Variants in PTPN5 observed in about 807,000 individuals in gnomAD.
PTPN5 encodes tyrosine-protein phosphatase non-receptor type 5.
In PTPN5, 29 loss-of-function variants were observed where a neutral mutation model predicts 73.9. That is an observed-to-expected ratio of 0.39 (90% CI 0.29 to 0.54). The LOEUF (loss-of-function observed/expected upper bound fraction) is 0.54. Among genes scored for constraint, PTPN5 ranks in the 20% least tolerant of loss-of-function variants. PTPN5 has a pLI of 0.65. For synonymous variants in PTPN5, 267 were observed against 304.7 expected, an observed-to-expected ratio of 0.88 and a Z score of 1.29; for missense variants, 652 against 751.4, an observed-to-expected ratio of 0.87 and a Z score of 1.55.
At chr11:18,740,164 T>C (rs1345701808) in intron 8 of PTPN5, among the ~76,000 whole-genome samples, 2 of 152,130 alleles carry the variant, frequency 1.3e-5, no homozygotes, top group Admixed American at 6.5e-5. Context: ...GATTAGGACC[T>C]AAGCTAGGGC....
chr11:18,766,386 G>A (rs912587267), intron 2 of PTPN5, among the ~76,000 whole-genome samples: 2 of 152,120 alleles, frequency 1.3e-5, no homozygotes, highest in South Asian at 4.2e-4. Flanking sequence ...TTGAACCATG[G>A]GTGGACAAGA....
At chr11:18,768,099 G>A (rs935173789) in intron 2 of PTPN5, among the ~76,000 whole-genome samples, 3 of 152,220 alleles carry the variant, frequency 2.0e-5, no homozygotes, top group African/African-American at 4.8e-5. Context: ...TGCCTGGTTC[G>A]TAGTAGGATG....
intron 3 of PTPN5, among the ~76,000 whole-genome samples, chr11:18,755,802 G>A (rs1050899714): frequency 1.3e-5 from 2 of 151,934 alleles, no homozygotes; most frequent in Non-Finnish European, 2.9e-5. Flanking sequence ...TCAGGAGTTC[G>A]AGACCAGCCT....
At chr11:18,732,451 TC>T in intron 12 of PTPN5, 140 bp downstream of exon 12, 1 of 680,702 alleles carries the variant, frequency 1.5e-6, no homozygotes, top group Non-Finnish European at 2.6e-6. Flanking sequence ...CTCTCACTCA[TC>T]CGTAATTATC....
intron 2 of PTPN5, among the ~76,000 whole-genome samples, chr11:18,770,031 G>A (rs1850808673): frequency 6.6e-6 from 1 of 152,092 alleles, no homozygotes; most frequent in African/African-American, 2.4e-5. Context: ...TGGCTGGGTA[G>A]GTCTGTAACA....
At position 18,743,083 on chromosome 11, in the gene PTPN5, A is replaced by C; in HGVS notation, c.400-8T>G. On this transcript the variant is annotated splice_region_variant and splice_polypyrimidine_tract_variant and intron_variant, in intron 5 of 14. Transcript: ENST00000358540. The stretch of plus-strand genomic sequence containing the variant: ...CCCAGAGTCAAGCCAGGCCTGGGGA[A>C]CATCAGATAAACAGGTCAGGGTGGT... 1 of 1,543,440 alleles carries C rather than the reference A, an allele frequency of 6.5e-7. No individual in the cohort carries two copies. Among genetic ancestry groups the C allele is most frequent in the Non-Finnish European group, 8.8e-7 (1 of 1,139,402 alleles).
chr11:18,732,803 G>A (rs1848945493), intron 11 of PTPN5, 101 bp from the exon 12 acceptor site: 8 of 951,734 alleles, frequency 8.4e-6, no homozygotes, highest in Non-Finnish European at 1.3e-5. Context: ...GGGCAACAGG[G>A]TTGCTGCTAC....
intron 3 of PTPN5, among the ~76,000 whole-genome samples, chr11:18,760,474 G>A (rs868268414): frequency 2.6e-5 from 4 of 152,232 alleles, no homozygotes; most frequent in Non-Finnish European, 5.9e-5. Context: ...CAATGATACA[G>A]AGCAGAGTGC....
chr11:18,745,159 C>T (rs1291766668), intron 3 of PTPN5, among the ~76,000 whole-genome samples: 1 of 152,218 alleles, frequency 6.6e-6, no homozygotes, highest in Non-Finnish European at 1.5e-5. Context: ...CCCAAACTCA[C>T]AGGATTTAGT....
At chr11:18,741,412 A>G (rs1400324840) in intron 7 of PTPN5, among the ~76,000 whole-genome samples, 2 of 152,164 alleles carry the variant, frequency 1.3e-5, no homozygotes, top group East Asian at 1.9e-4. Context: ...GCTTCATTAC[A>G]TAGAAAGAGA....
intron 2 of PTPN5, among the ~76,000 whole-genome samples, chr11:18,770,925 G>A (rs1028694707): frequency 1.3e-5 from 2 of 152,192 alleles, no homozygotes; most frequent in African/African-American, 4.8e-5. Context: ...CCGCCCCTCT[G>A]CCTGGGGGGT....
intron 3 of PTPN5, among the ~76,000 whole-genome samples, chr11:18,762,746 C>A (rs1039081443): frequency 6.6e-6 from 1 of 152,240 alleles, no homozygotes; most frequent in African/African-American, 2.4e-5. Flanking sequence ...ACTGAATCCT[C>A]TAACAACTCT....
In PTPN5 at chr11:18,742,512, G is replaced by A. The variant is rs1297499619; in HGVS notation, c.484-9C>T. The A allele has an allele frequency of 1.2e-6, 2 of 1,612,282 alleles. No homozygotes were observed. Among genetic ancestry groups the A allele is most frequent in the African/African-American group, 2.7e-5 (2 of 74,994 alleles). ...CTCAGGAGGTGCCACACCTGGTTGG[G>A]GTGTACAGCATCACAGATTTCGGAC... is the stretch of plus-strand genomic sequence containing the variant. On this transcript the variant is annotated splice_polypyrimidine_tract_variant and intron_variant, in intron 6 of 14. Transcript: ENST00000358540. The surrounding 1 kb of genome is among the most constrained non-coding windows in gnomAD (Gnocchi z 4.1).
intron 1 of PTPN5, among the ~76,000 whole-genome samples, chr11:18,776,033 T>C (rs553231320): frequency 4.6e-5 from 7 of 152,268 alleles, no homozygotes; most frequent in East Asian, 1.9e-4. Flanking sequence ...ACCCAAAAGA[T>C]AGAAAGGCAG....
chr11:18,740,091 A>G (rs1243325666), intron 8 of PTPN5, among the ~76,000 whole-genome samples: 1 of 152,212 alleles, frequency 6.6e-6, no homozygotes, highest in South Asian at 2.1e-4. Flanking sequence ...GGTGCCATTT[A>G]TTGAGCCCCT....
At position 18,781,167 on chromosome 11, in the gene PTPN5, C is replaced by A. The variant is rs138811760; in HGVS notation, c.-113-9096G>T. On this transcript the variant is annotated intron_variant, in intron 1 of 14. Transcript: ENST00000358540. ...ACCCCCCCGGCCCCGCCCCGGCCCCCTTGACTCCCTGAGCTGCGCTACTTT... is the reference window on the plus strand; with the variant it reads ...ACCCCCCCGGCCCCGCCCCGGCCCCATTGACTCCCTGAGCTGCGCTACTTT... Among the ~76,000 whole-genome samples, 388 of 152,220 alleles carry A rather than the reference C, an allele frequency of 2.5e-3. 4 individuals are homozygous for A. Among genetic ancestry groups the A allele is most frequent in the African/African-American group, 8.4e-3 (349 of 41,536 alleles).
At chr11:18,738,459 C>A (rs1009396633) in intron 8 of PTPN5, among the ~76,000 whole-genome samples, 1 of 152,212 alleles carries the variant, frequency 6.6e-6, no homozygotes, top group Admixed American at 6.5e-5. Context: ...TCTGCACCTC[C>A]CAACCACTGT....
intron 1 of PTPN5, among the ~76,000 whole-genome samples, chr11:18,788,055 T>C (rs1792990886): frequency 6.6e-6 from 1 of 152,182 alleles, no homozygotes; most frequent in South Asian, 2.1e-4. Context: ...ATGACATCCT[T>C]GGCCATTCAG....
chr11:18,761,234 T>C (rs111863342), intron 3 of PTPN5, among the ~76,000 whole-genome samples: 80 of 152,308 alleles, frequency 5.3e-4, no homozygotes, highest in African/African-American at 1.9e-3. Context: ...CTCTATTCCA[T>C]GTGCTGGCCC....
Sources: gnomAD v4.1 joint callset for allele counts (sites outside exome capture counted in the v4.1 genomes callset) on GRCh38, gnomAD v4.1.1 for gene constraint, Gnocchi (gnomAD v3.1) non-coding constraint, MANE v1.5 for transcripts, NCBI Gene and HGNC (gene_info 2026-07-23, HGNC 2026-07-21) for gene names.